CNKSR3: variants seen among roughly 807,000 people sequenced by gnomAD.
The protein encoded by CNKSR3 is CNKSR family member 3.
In CNKSR3, 36 loss-of-function variants were observed where a neutral mutation model predicts 67.7. The observed-to-expected ratio is 0.53, with a 90% CI of 0.41 to 0.70. The LOEUF (loss-of-function observed/expected upper bound fraction) is 0.70. Ranked by LOEUF, CNKSR3 falls within the 30% of genes least tolerant of loss-of-function variation. The pLI is 0.00. For synonymous variants in CNKSR3, 281 were observed against 271.4 expected (o/e 1.04, Z -0.35); for missense variants, 630 against 695.2 (o/e 0.91, Z 1.05).
intron 10 of CNKSR3, among the ~76,000 whole-genome samples, chr6:154,412,910 G>C (rs1008515115): frequency 6.6e-6 from 1 of 152,064 alleles, no homozygotes; most frequent in Non-Finnish European, 1.5e-5. Flanking sequence ...GTCAAAGACC[G>C]AGTCTGTTTT....
At chr6:154,407,305 G>C (rs1053472103) in intron 12 of CNKSR3, among the ~76,000 whole-genome samples, 1 of 152,122 alleles carries the variant, frequency 6.6e-6, no homozygotes, top group Non-Finnish European at 1.5e-5. Flanking sequence ...GAACATTCCC[G>C]AACAAGGAAA....
intron 12 of CNKSR3, among the ~76,000 whole-genome samples, chr6:154,407,228 C>T (rs912409346): frequency 5.3e-5 from 8 of 152,140 alleles, no homozygotes; most frequent in African/African-American, 9.7e-5. Flanking sequence ...AGTGTAGTGT[C>T]CCCGCGATGG....
At position 154,442,203 on chromosome 6, in the gene CNKSR3, G is replaced by C; in HGVS notation, c.304C>G (p.Arg102Gly). 3 of 1,614,088 alleles carry C rather than the reference G, an allele frequency of 1.9e-6. No individual in the cohort carries two copies. Among genetic ancestry groups the C allele is most frequent in the Non-Finnish European group, 2.5e-6 (3 of 1,179,988 alleles). Residue 102 changes from arginine to glycine, a missense_variant, in exon 3 of 13, where the codon CGA becomes GGA. Physicochemically the swap from Arg to Gly is moderately radical, Grantham distance 125. Around this residue, in one of 3 missense-constraint regions of CNKSR3, gnomAD observed 189 missense variants for 205.0 expected, o/e 0.92. Coordinates refer to ENST00000607772, the MANE Select transcript of CNKSR3 (RefSeq NM_173515.4). ...SHNLQNYISSRRKSPAYDGNT... is the reference protein window; with the variant it reads ...SHNLQNYISSGRKSPAYDGNT... ...CCATCGTAAGCGGGACTTTTCCGTC[G>C]GCTACTTATGTAATTCTGTAAATTG...
chr6:154,411,035 C>T lies in CNKSR3; in HGVS notation c.1178G>A (p.Arg393Gln), dbSNP rs142294952. 1,455 of 1,614,128 alleles carry T rather than the reference C, an allele frequency of 9.0e-4. 1 individual carries two copies. The highest frequency in any genetic ancestry group is 1.1e-3 in the Non-Finnish European group (1,313 of 1,180,000). ...SPNSFLDQESRRRRFTIADSD... is the reference protein window; with the variant it reads ...SPNSFLDQESQRRRFTIADSD... ...GTCTGCAATGGTGAATCTTCGTCTC[C>T]GGCTTTCCTGGTCCAAGAAGGAATT... The change falls in exon 11 of 13, where the codon CGG becomes CAG. Residue 393 changes from arginine to glutamine, a missense_variant. By Grantham distance (43) the Arg-to-Gln change is conservative (BLOSUM62 1). This residue lies in a region of CNKSR3 where 308 missense variants were observed against 299.6 expected (regional missense o/e 1.03). Coordinates refer to ENST00000607772, the MANE Select transcript of CNKSR3 (RefSeq NM_173515.4).
At chr6:154,476,444 C>T (rs7756829) in intron 1 of CNKSR3, among the ~76,000 whole-genome samples, 8 of 132,718 alleles carry the variant, frequency 6.0e-5, no homozygotes, top group Non-Finnish European at 4.6e-5. Flanking sequence ...GCAACAAGAG[C>T]GAAACTATGT....
intron 1 of CNKSR3, among the ~76,000 whole-genome samples, chr6:154,499,119 G>C (rs1057137956): frequency 6.6e-6 from 1 of 152,162 alleles, no homozygotes; most frequent in South Asian, 2.1e-4. Context: ...AAGAGCCCGA[G>C]GGGATACCAG....
At chr6:154,476,406 G>A (rs532874133) in intron 1 of CNKSR3, among the ~76,000 whole-genome samples, 9 of 149,322 alleles carry the variant, frequency 6.0e-5, no homozygotes, top group East Asian at 2.0e-4. Flanking sequence ...GCGGTGAGCC[G>A]AGATCGTGCC....
chr6:154,433,794 G>A, intron 4 of CNKSR3: 1 of 306,874 alleles, frequency 3.3e-6, no homozygotes. Context: ...TAACTGAACT[G>A]AAATCCACCT....
chr6:154,488,655 C>A (rs1786724900), intron 1 of CNKSR3, among the ~76,000 whole-genome samples: 1 of 151,582 alleles, frequency 6.6e-6, no homozygotes, highest in East Asian at 1.9e-4. Flanking sequence ...CAATTGATAC[C>A]AAAAAAAGTT....
chr6:154,446,853 G>A (rs2128718524), intron 2 of CNKSR3, among the ~76,000 whole-genome samples: 1 of 146,372 alleles, frequency 6.8e-6, no homozygotes, highest in South Asian at 2.2e-4. Context: ...CGCCCAGGCT[G>A]GAGCGCAGTG....
At chr6:154,460,040 C>T (rs997029328) in intron 1 of CNKSR3, among the ~76,000 whole-genome samples, 8 of 152,214 alleles carry the variant, frequency 5.3e-5, no homozygotes, top group African/African-American at 1.9e-4. Context: ...ATGGACCCAG[C>T]CTGCCCCCAC....
intron 1 of CNKSR3, among the ~76,000 whole-genome samples, chr6:154,479,116 C>G (rs1419873197): frequency 6.6e-6 from 1 of 151,858 alleles, no homozygotes; most frequent in Non-Finnish European, 1.5e-5. Flanking sequence ...TATACCCCCC[C>G]ATCCTTAGAA....
At chr6:154,466,157 T>G (rs1465258844) in intron 1 of CNKSR3, among the ~76,000 whole-genome samples, 1 of 152,246 alleles carries the variant, frequency 6.6e-6, no homozygotes, top group Non-Finnish European at 1.5e-5. Flanking sequence ...TACTTCAAGT[T>G]TTCTGTGTGC....
At chr6:154,470,902 AT>A (rs1786316361) in intron 1 of CNKSR3, among the ~76,000 whole-genome samples, 1 of 152,218 alleles carries the variant, frequency 6.6e-6, no homozygotes, top group Admixed American at 6.5e-5. Flanking sequence ...CCTGCCAGCA[AT>A]TTATGAAGAT....
At chr6:154,440,150 C>A (rs6911312) in intron 4 of CNKSR3, among the ~76,000 whole-genome samples, 102,927 of 152,098 alleles carry the variant, frequency 0.68, 35,730 homozygotes, top group East Asian at 0.85. Context: ...GACCTCAAAA[C>A]TCCATGTGCC....
chr6:154,429,557 T>C (rs1562328356), intron 6 of CNKSR3, among the ~76,000 whole-genome samples: 2 of 152,212 alleles, frequency 1.3e-5, no homozygotes, highest in Non-Finnish European at 1.5e-5. Flanking sequence ...ATATAATCCA[T>C]CATTTGCTTT....
rs1233316197 is a variant in CNKSR3 at position 154,441,391 on chromosome 6, C to A, written c.420-12G>T. 5.6e-6 allele frequency: 9 copies of A among 1,603,948 alleles called. No individual in the cohort carries two copies. The highest frequency in any genetic ancestry group is 6.8e-6 in the Non-Finnish European group (8 of 1,171,178). On this transcript the variant is annotated splice_polypyrimidine_tract_variant and intron_variant, in intron 3 of 12. Coordinates refer to ENST00000607772, the MANE Select transcript of CNKSR3 (RefSeq NM_173515.4). Reference sequence around the variant, plus strand: ...CTGTAAACGGAGCCCTAGAAGGTAGCAACAATCCTCTTAAAAAGGGGTAGG... The same window carrying A: ...CTGTAAACGGAGCCCTAGAAGGTAGAAACAATCCTCTTAAAAAGGGGTAGG...
At chr6:154,409,883 A>AAAAAAAAAAT (rs1784873029) in intron 12 of CNKSR3, among the ~76,000 whole-genome samples, 1 of 142,380 alleles carries the variant, frequency 7.0e-6, no homozygotes, top group Non-Finnish European at 1.5e-5. Flanking sequence ...GTCTCTACCA[A>AAAAAAAAAAT]AAAAAAAAAA....
Position 154,396,256 on chromosome 6 carries a change from G to A in CNKSR3, c.*10098C>T, listed in dbSNP as rs1012969639. ...AGTGCTTACATTCTCAGCAGTTCCTGTAATCCTGTAACCAAAGAAGCGTTG... is the reference window on the plus strand; with the variant it reads ...AGTGCTTACATTCTCAGCAGTTCCTATAATCCTGTAACCAAAGAAGCGTTG... On this transcript the variant is annotated 3_prime_UTR_variant, in exon 13 of 13. Coordinates refer to ENST00000607772, the MANE Select transcript of CNKSR3 (RefSeq NM_173515.4). The A allele has an allele frequency of 6.6e-6, 1 of 152,144 alleles. No individual in the cohort carries two copies. Among genetic ancestry groups the A allele is most frequent in the African/African-American group, 2.4e-5 (1 of 41,424 alleles). 9.4% of individuals were successfully genotyped at this position (152,144 alleles called of 1,614,324 possible). A position where few individuals can be genotyped will look rare whatever the true frequency, so the allele number is the denominator to read the frequency against.
Sources: allele counts gnomAD v4.1 joint callset (sites outside exome capture counted in the v4.1 genomes callset), GRCh38; gene constraint gnomAD v4.1.1; regional missense constraint gnomAD v4.1.1; transcripts MANE v1.5; gene names NCBI Gene and HGNC (gene_info 2026-07-23, HGNC 2026-07-21).